The following PDLIM5 variants were observed in gnomAD, a reference collection of about 807,000 sequenced individuals.
PDLIM5 encodes the protein PDZ and LIM domain protein 5.
PDLIM5 carries 34 observed loss-of-function variants against 64.2 expected under a neutral mutation model. The observed-to-expected ratio is 0.53, with a 90% confidence interval of 0.40 to 0.71. PDLIM5 has a LOEUF of 0.71. Ranked by LOEUF, PDLIM5 falls within the 30% of genes least tolerant of loss-of-function variation. PDLIM5 has a pLI of 0.00. For synonymous variants in PDLIM5, 253 were observed against 269.1 expected (o/e 0.94, Z 0.59); for missense variants, 683 against 733.6 (o/e 0.93, Z 0.80).
chr4:94,519,134 C>T (rs1362646299), intron 2 of PDLIM5, among the ~76,000 whole-genome samples: 3 of 152,050 alleles, frequency 2.0e-5, no homozygotes, highest in Non-Finnish European at 4.4e-5. Flanking sequence ...ATCTCTGTTG[C>T]TGAGTGAGGG....
At chr4:94,473,489 T>A (rs1354925690) in intron 2 of PDLIM5, among the ~76,000 whole-genome samples, 1 of 152,182 alleles carries the variant, frequency 6.6e-6, no homozygotes, top group Non-Finnish European at 1.5e-5. Context: ...CTCGAACTCC[T>A]GACCTCGTGA....
intron 3 of PDLIM5, among the ~76,000 whole-genome samples, chr4:94,569,930 C>G (rs185363998): frequency 6.6e-6 from 1 of 151,736 alleles, no homozygotes. Flanking sequence ...GCCCTAATAC[C>G]CTCTTATTTT....
At chr4:94,658,281 G>A (rs1013974135) in intron 11 of PDLIM5, among the ~76,000 whole-genome samples, 2 of 152,170 alleles carry the variant, frequency 1.3e-5, no homozygotes, top group Non-Finnish European at 2.9e-5. Context: ...TTTACTGAAT[G>A]AGAAGGTAAT....
At chr4:94,611,296 A>T (rs1486412714) in intron 7 of PDLIM5, 1 of 1,057,516 alleles carries the variant, frequency 9.5e-7, no homozygotes, top group African/African-American at 1.6e-5. Context: ...AGGTGAGAAC[A>T]TGCTAGAGTT....
At chr4:94,486,689 C>T (rs922152383) in intron 2 of PDLIM5, among the ~76,000 whole-genome samples, 2 of 152,036 alleles carry the variant, frequency 1.3e-5, no homozygotes, top group Non-Finnish European at 2.9e-5. Context: ...GAATTTCTTG[C>T]TACCATATGT....
intron 2 of PDLIM5, among the ~76,000 whole-genome samples, chr4:94,458,781 A>C (rs540820152): frequency 1.6e-4 from 24 of 152,324 alleles, no homozygotes; most frequent in African/African-American, 4.3e-4. Context: ...ATCCTAAAGC[A>C]TACAAGCTAT....
intron 7 of PDLIM5, among the ~76,000 whole-genome samples, chr4:94,589,299 A>G (rs1383588389): frequency 6.6e-6 from 1 of 152,218 alleles, no homozygotes; most frequent in African/African-American, 2.4e-5. Context: ...CAGACAAGAG[A>G]ACATGTATAG....
chr4:94,479,716 G>A (rs78841871), intron 2 of PDLIM5, among the ~76,000 whole-genome samples: 21 of 152,112 alleles, frequency 1.4e-4, no homozygotes, highest in East Asian at 1.9e-4. Context: ...TAAGATATAC[G>A]TGAAATATGG....
rs1230248667 is a variant in PDLIM5, at chr4:94,666,882, C to T, written c.*2815C>T. ...TATATCTGTTCCTAAAACAGTTAAT[C>T]CTGTGAAATAAATATTGAACATAAT... On this transcript the variant is annotated 3_prime_UTR_variant, in exon 13 of 13. Transcript: ENST00000317968. 3 of 152,146 alleles carry T rather than the reference C, an allele frequency of 2.0e-5. No homozygotes were observed. Among genetic ancestry groups the T allele is most frequent in the Admixed American group, 2.0e-4 (3 of 15,266 alleles). 9.4% of individuals were successfully genotyped at this position (152,146 alleles called of 1,614,324 possible).
intron 2 of PDLIM5, among the ~76,000 whole-genome samples, chr4:94,486,648 C>T (rs970179850): frequency 2.6e-5 from 4 of 152,102 alleles, no homozygotes; most frequent in Non-Finnish European, 5.9e-5. Flanking sequence ...TGATTTCCTT[C>T]TTCCTTTCTG....
intron 2 of PDLIM5, among the ~76,000 whole-genome samples, chr4:94,492,052 C>T (rs900406498): frequency 2.0e-5 from 3 of 151,698 alleles, no homozygotes; most frequent in Non-Finnish European, 4.4e-5. Flanking sequence ...ATTCCCTCCC[C>T]TCAATGTCCT....
chr4:94,501,640 G>A (rs1208648113), intron 2 of PDLIM5, among the ~76,000 whole-genome samples: 1 of 152,170 alleles, frequency 6.6e-6, no homozygotes, highest in East Asian at 1.9e-4. Flanking sequence ...TTTTACTAAA[G>A]TATTAGCCTG....
At chr4:94,551,650 A>T (rs1218285445) in intron 3 of PDLIM5, among the ~76,000 whole-genome samples, 3 of 152,132 alleles carry the variant, frequency 2.0e-5, no homozygotes, top group Non-Finnish European at 4.4e-5. Flanking sequence ...TATTCAGCTA[A>T]GTAGTATTTC....
chr4:94,657,562 C>T lies in PDLIM5; in HGVS notation c.1585+15C>T. 1 of 1,591,454 alleles carries T rather than the reference C, an allele frequency of 6.3e-7. No homozygotes were observed. The highest frequency in any genetic ancestry group is 1.4e-5 in the African/African-American group (1 of 73,966). On this transcript the variant is annotated intron_variant, in intron 11 of 12. Transcript: ENST00000317968. ...CTGTGAGACTGGTAAGATCAGGGAG[C>T]CATTTGTTTCTTGAATTTTGAATAA...
chr4:94,662,680 AGTT>A (rs749349653), intron 12 of PDLIM5, 143 bp downstream of exon 12: 6 of 461,040 alleles, frequency 1.3e-5, no homozygotes, highest in Non-Finnish European at 2.3e-5. Flanking sequence ...AAATTTCGAA[AGTT>A]GTTTATTAAA....
At chr4:94,458,802 C>T (rs560294346) in intron 2 of PDLIM5, among the ~76,000 whole-genome samples, 2 of 152,254 alleles carry the variant, frequency 1.3e-5, no homozygotes, top group African/African-American at 2.4e-5. Flanking sequence ...AACATTTTCA[C>T]GTTGGACTCA....
At chr4:94,484,015 G>A (rs1235351506) in intron 2 of PDLIM5, among the ~76,000 whole-genome samples, 3 of 152,106 alleles carry the variant, frequency 2.0e-5, no homozygotes, top group Non-Finnish European at 4.4e-5. Flanking sequence ...AGAGACACTT[G>A]AGACCTTAGA....
intron 7 of PDLIM5, among the ~76,000 whole-genome samples, chr4:94,599,471 AG>A (rs1346711231): frequency 6.6e-6 from 1 of 152,154 alleles, no homozygotes; most frequent in Non-Finnish European, 1.5e-5. Flanking sequence ...AGACTGAGTG[AG>A]GAAAAAAAAG....
At chr4:94,471,175 A>G (rs1478745260) in intron 2 of PDLIM5, among the ~76,000 whole-genome samples, 2 of 152,190 alleles carry the variant, frequency 1.3e-5, no homozygotes, top group Non-Finnish European at 2.9e-5. Context: ...AAACCATATC[A>G]ATATTCAAGA....
Sources: gnomAD v4.1 joint callset for allele counts (sites outside exome capture counted in the v4.1 genomes callset) on GRCh38, gnomAD v4.1.1 for gene constraint, MANE v1.5 for transcripts, NCBI Gene and HGNC (gene_info 2026-07-23, HGNC 2026-07-21) for gene names.